Variants in OTUB1 observed in about 807,000 individuals in gnomAD.
OTUB1 encodes OTU deubiquitinase, ubiquitin aldehyde binding 1.
Under a neutral mutation model 35.8 loss-of-function variants are expected in OTUB1, and 10 were observed. That is an observed-to-expected ratio of 0.28 (90% CI 0.17 to 0.47). The LOEUF is 0.47. OTUB1 is among the 20% of genes least tolerant of loss of function. The pLI is 0.99. For synonymous variants in OTUB1, 158 were observed against 143.8 expected (o/e 1.10, Z -0.71); for missense variants, 264 against 351.6 (o/e 0.75, Z 1.99).
In OTUB1 at chr11:63,986,442, C is replaced by T. The variant is rs1231967010; in HGVS notation, c.-15C>T. The T allele has an allele frequency of 3.9e-6, 6 of 1,552,686 alleles. No homozygotes were observed. The highest frequency in any genetic ancestry group is 5.2e-6 in the Non-Finnish European group (6 of 1,148,172). On this transcript the variant is annotated 5_prime_UTR_variant, in exon 1 of 7. Transcript: ENST00000538426. ...GGCAACCCGGAAGCGGTCGGTAGTGCGGCGCTGTTTAAAGATGGCGGCGGA... is the reference window on the plus strand; with the variant it reads ...GGCAACCCGGAAGCGGTCGGTAGTGTGGCGCTGTTTAAAGATGGCGGCGGA...
chr11:63,994,409 C>T lies in OTUB1; in HGVS notation c.220-2121C>T, dbSNP rs192879760. Among the ~76,000 whole-genome samples, 39 of 152,288 alleles carry T rather than the reference C, an allele frequency of 2.6e-4. No homozygotes were observed. The East Asian group carries it at 4.6e-3, about 18-fold the overall frequency. Reference sequence around the variant, plus strand: ...CTGGAACTACAGGTGTGTGCCACCACGCCCAGTTAATTTTTGTATTTTTAG... The same window carrying T: ...CTGGAACTACAGGTGTGTGCCACCATGCCCAGTTAATTTTTGTATTTTTAG... On this transcript the variant is annotated intron_variant, in intron 3 of 6. Transcript: ENST00000538426.
At chr11:63,987,879 G>T (rs1057341628) in intron 1 of OTUB1, among the ~76,000 whole-genome samples, 1 of 152,180 alleles carries the variant, frequency 6.6e-6, no homozygotes, top group South Asian at 2.1e-4. Context: ...ACGGGAGGAA[G>T]GGGGTGTCAG....
chr11:63,996,387 C>CTGT, intron 3 of OTUB1, 143 bp from the exon 4 acceptor site: 1 of 813,642 alleles, frequency 1.2e-6, no homozygotes, highest in South Asian at 1.6e-5. Flanking sequence ...ATTCAGCAGC[C>CTGT]TGTTTCAGGG....
intron 2 of OTUB1, 106 bp from the exon 3 acceptor site, chr11:63,988,548 C>T (rs1481905201): frequency 8.0e-7 from 1 of 1,255,162 alleles, no homozygotes; most frequent in Admixed American, 1.7e-5. Context: ...CTGGGGGTCG[C>T]TGTGCCACCG....
chr11:63,988,953 G>A, intron 3 of OTUB1: 1 of 532,870 alleles, frequency 1.9e-6, no homozygotes, highest in Non-Finnish European at 3.4e-6. Flanking sequence ...GGTGGAGGTT[G>A]TAGGGAGCCA....
Position 63,986,750 on chromosome 11 carries a change from C to T in OTUB1, c.58+236C>T, listed in dbSNP as rs1158853190. ...GCCAAGGCCCGCGGCCCTTCTCCAT[C>T]GTGTGCGCCCGGGGCGGGGCCTGGG... is the stretch of plus-strand genomic sequence containing the variant. On this transcript the variant is annotated intron_variant, in intron 1 of 6. Coordinates refer to ENST00000538426, the MANE Select transcript of OTUB1 (RefSeq NM_017670.3). 8 of 506,044 alleles carry T rather than the reference C, an allele frequency of 1.6e-5. No homozygotes were observed. In the Admixed American group the frequency reaches 2.3e-4, roughly 14 times the overall value. The allele number at this position is 506,044 out of a possible 1,614,324, so 31.3% of individuals were successfully genotyped here. A position where few individuals can be genotyped will look rare whatever the true frequency, so the allele number is the denominator to read the frequency against.
chr11:63,992,872 G>A (rs1209804276), intron 3 of OTUB1, among the ~76,000 whole-genome samples: 1 of 152,082 alleles, frequency 6.6e-6, no homozygotes, highest in East Asian at 1.9e-4. Flanking sequence ...TTTTAGTAGA[G>A]GCGGGGTTTC....
At chr11:63,995,300 G>A (rs1942706795) in intron 3 of OTUB1, among the ~76,000 whole-genome samples, 1 of 151,974 alleles carries the variant, frequency 6.6e-6, no homozygotes, top group African/African-American at 2.4e-5. Flanking sequence ...GGGTTCAAGC[G>A]ATTCTCCTGC....
At chr11:63,986,772 T>G (rs1036268050) in intron 1 of OTUB1, 2 of 467,368 alleles carry the variant, frequency 4.3e-6, no homozygotes, top group Non-Finnish European at 3.8e-6. Context: ...GGGCGGGGCC[T>G]GGGTCGCTCC....
intron 1 of OTUB1, 23 bp downstream of exon 1, chr11:63,986,537 C>T (rs1034762635): frequency 3.8e-5 from 58 of 1,535,400 alleles, no homozygotes; most frequent in Non-Finnish European, 4.8e-5. Flanking sequence ...GGAGGGATGT[C>T]CGGCCCGGGC....
intron 1 of OTUB1, among the ~76,000 whole-genome samples, chr11:63,987,777 C>T (rs1384017177): frequency 6.6e-6 from 1 of 152,190 alleles, no homozygotes; most frequent in Non-Finnish European, 1.5e-5. Context: ...GGAAGCTCTC[C>T]TCCAGGCCAG....
intron 3 of OTUB1, among the ~76,000 whole-genome samples, chr11:63,994,322 G>A (rs1027165995): frequency 4.6e-5 from 7 of 151,998 alleles, no homozygotes; most frequent in Non-Finnish European, 5.9e-5. Context: ...GAGCGATCTC[G>A]GCTCACTGCA....
intron 1 of OTUB1, 148 bp downstream of exon 1, chr11:63,986,662 C>T (rs1942622875): frequency 4.6e-6 from 3 of 654,682 alleles, no homozygotes; most frequent in African/African-American, 3.7e-5. Flanking sequence ...GCCTCCCCTC[C>T]CCCTCACAAT....
intron 3 of OTUB1, 32 bp downstream of exon 3, chr11:63,988,784 C>T (rs1186162405): frequency 6.9e-7 from 1 of 1,453,626 alleles, no homozygotes; most frequent in East Asian, 2.3e-5. Context: ...GTGGGAAGCA[C>T]CCTGGGGGTG....
At chr11:63,987,514 A>G (rs483340) in intron 1 of OTUB1, among the ~76,000 whole-genome samples, 74,263 of 152,000 alleles carry the variant, frequency 0.49, 19,728 homozygotes, top group African/African-American at 0.7. Flanking sequence ...AAGAAAGGCG[A>G]GGGTACTCGC....
At position 63,996,583 on chromosome 11, in the gene OTUB1, T is replaced by C. The variant is rs1444426355; in HGVS notation, c.273T>C (p.Cys91=). ...GCAAGACCAGGCCTGACGGCAACTG[T>C]TTCTATCGGGCTTTCGGATTCTCCC... ...YIRKTRPDGN[C]FYRAFGFSHL... The change falls in exon 4 of 7, where the codon TGT becomes TGC. Residue 91 remains cysteine, a synonymous_variant. Transcript: ENST00000538426. 2.5e-6 allele frequency: 4 copies of C among 1,614,076 alleles called. No homozygotes were observed. The highest frequency in any genetic ancestry group is 3.4e-6 in the Non-Finnish European group (4 of 1,180,032).
In OTUB1 at chr11:63,988,710, G is replaced by C. The variant is rs1234905006; in HGVS notation, c.177G>C (p.Lys59Asn). 1 of 1,613,200 alleles carries C rather than the reference G, an allele frequency of 6.2e-7. No homozygotes were observed. The highest frequency in any genetic ancestry group is 8.5e-7 in the Non-Finnish European group (1 of 1,179,800). ...SERLELSVLY[K>N]EYAEDDNIYQ... is the part of the protein sequence containing the mutation. ...GGCTGGAGCTCTCGGTCCTATACAAGGAGTATGCTGAAGATGACAACATCT... is the reference window on the plus strand; with the variant it reads ...GGCTGGAGCTCTCGGTCCTATACAACGAGTATGCTGAAGATGACAACATCT... Residue 59 changes from lysine to asparagine, a missense_variant, in exon 3 of 7, where the codon AAG becomes AAC. Physicochemically the swap from Lys to Asn is moderately conservative, Grantham distance 94 (BLOSUM62 0). Transcript: ENST00000538426.
rs1232313157 is a variant in OTUB1 at position 63,997,774 on chromosome 11, TC to T, written c.*233del. On this transcript the variant is annotated 3_prime_UTR_variant, in exon 7 of 7. Transcript: ENST00000538426. ...CTGCTGCCCCCTCCCCCCAGGTGGG[TC>T]CCCCTGCTTTTCACCTATCTACTCC... The T allele has an allele frequency of 1.0e-5, 7 of 700,574 alleles. No individual in the cohort carries two copies. Among genetic ancestry groups the T allele is most frequent in the Non-Finnish European group, 1.8e-5 (7 of 385,002 alleles). 43.4% of individuals were successfully genotyped at this position (700,574 alleles called of 1,614,324 possible).
chr11:63,995,646 C>T (rs1942710060), intron 3 of OTUB1, among the ~76,000 whole-genome samples: 1 of 149,250 alleles, frequency 6.7e-6, no homozygotes, highest in African/African-American at 2.5e-5. Context: ...TGTGCTTGAG[C>T]CTGAGGGTGG....
Sources: allele counts gnomAD v4.1 joint callset (sites outside exome capture counted in the v4.1 genomes callset), GRCh38; gene constraint gnomAD v4.1.1; transcripts MANE v1.5; gene names NCBI Gene and HGNC (gene_info 2026-07-23, HGNC 2026-07-21).